Variants in LMOD3 observed in about 807,000 individuals in gnomAD.
The protein encoded by LMOD3 is leiomodin-3.
LMOD3 carries 31 observed loss-of-function variants against 41.8 expected under a neutral mutation model. The ratio of observed to expected loss-of-function variants is 0.74; its 90% CI spans 0.56 to 1.00. The LOEUF (loss-of-function observed/expected upper bound fraction) is 1.00, where lower values mean the gene tolerates loss of function less well. Among genes scored for constraint, LMOD3 ranks in the 50% least tolerant of loss-of-function variants. LMOD3 has a pLI of 0.00. For missense variants in LMOD3, 755 were observed against 679.5 expected (o/e 1.11, Z -1.23); for synonymous variants, 292 against 241.9 (o/e 1.21, Z -1.92).
At position 69,108,427 on chromosome 3, in the gene LMOD3, T is replaced by G. The variant is rs2092332684; in HGVS notation, c.*668A>C. 6.6e-6 allele frequency: 1 copy of G among 152,228 alleles called. No individual in the cohort carries two copies. Among genetic ancestry groups the G allele is most frequent in the Non-Finnish European group, 1.5e-5 (1 of 68,064 alleles). 9.4% of individuals were successfully genotyped at this position (152,228 alleles called of 1,614,324 possible). On this transcript the variant is annotated 3_prime_UTR_variant, in exon 3 of 3. Coordinates refer to ENST00000420581, the MANE Select transcript of LMOD3 (RefSeq NM_198271.5). Reference sequence around the variant, plus strand: ...TACTTTTCCTAGTGACACTTAGTTTTCACCATGTTCTGTGGCTTACGTGTT... The same window carrying G: ...TACTTTTCCTAGTGACACTTAGTTTGCACCATGTTCTGTGGCTTACGTGTT...
chr3:69,113,085 A>T (rs188739783), intron 2 of LMOD3, among the ~76,000 whole-genome samples: 38 of 152,274 alleles, frequency 2.5e-4, no homozygotes, highest in African/African-American at 9.1e-4. Flanking sequence ...GCTTTTATAG[A>T]TCATCCTGGT....
chr3:69,120,645 A>G (rs992674017), intron 1 of LMOD3, among the ~76,000 whole-genome samples: 2 of 150,998 alleles, frequency 1.3e-5, no homozygotes, highest in Non-Finnish European at 2.9e-5. Context: ...GAATATATAT[A>G]TATACATATA....
chr3:69,113,366 C>T (rs1559659135), intron 2 of LMOD3, among the ~76,000 whole-genome samples: 1 of 151,978 alleles, frequency 6.6e-6, no homozygotes, highest in Non-Finnish European at 1.5e-5. Flanking sequence ...GAAAATTTCC[C>T]ATTATGTGAT....
Position 69,119,896 on chromosome 3 carries a change from A to G in LMOD3, c.459T>C (p.Asp153=), listed in dbSNP as rs557184030. Residue 153 remains aspartate, a synonymous_variant, in exon 2 of 3, where the codon GAT becomes GAC. Transcript: ENST00000420581. ...CATCTTCTCCTTCGTCGTCATCATC[A>G]TCATCTTCTTCTTCTTCATCTTCTT... ...TDEEDEEEED[D]DDDDEGEDDG... The G allele has an allele frequency of 1.4e-6, 2 of 1,416,350 alleles. No homozygotes were observed. Among genetic ancestry groups the G allele is most frequent in the Admixed American group, 3.9e-5 (2 of 50,946 alleles). 87.7% of individuals were successfully genotyped at this position (1,416,350 alleles called of 1,614,324 possible). A position where few individuals can be genotyped will look rare whatever the true frequency, so the allele number is the denominator to read the frequency against.
In LMOD3 at chr3:69,118,735, G is replaced by A. The variant is rs753299503; in HGVS notation, c.1620C>T (p.Asn540=). 4.3e-6 allele frequency: 7 copies of A among 1,612,474 alleles called. No homozygotes were observed. Among genetic ancestry groups the A allele is most frequent in the African/African-American group, 1.3e-5 (1 of 74,532 alleles). ...VEITPRDQLL[N]DIRHSSVAYL... is the part of the protein sequence containing the mutation. ...AGGCGACACTGCTGTGACGAATGTCGTTTAGCAGCTGATCTCTGGGAGTGA... is the reference window on the plus strand; with the variant it reads ...AGGCGACACTGCTGTGACGAATGTCATTTAGCAGCTGATCTCTGGGAGTGA... The change falls in exon 2 of 3, where the codon AAC becomes AAT. Residue 540 remains asparagine, a synonymous_variant. Coordinates refer to ENST00000420581, the MANE Select transcript of LMOD3 (RefSeq NM_198271.5).
intron 2 of LMOD3, among the ~76,000 whole-genome samples, chr3:69,117,290 T>G (rs1230996334): frequency 6.6e-6 from 1 of 152,146 alleles, no homozygotes; most frequent in Non-Finnish European, 1.5e-5. Context: ...ATTCTAGGAG[T>G]TGGGAATAAG....
In LMOD3 at chr3:69,108,965, T is replaced by A; in HGVS notation, c.*130A>T. 1 of 787,830 alleles carries A rather than the reference T, an allele frequency of 1.3e-6. No individual in the cohort carries two copies. The highest frequency in any genetic ancestry group is 1.7e-5 in the South Asian group (1 of 60,038). 48.8% of individuals were successfully genotyped at this position (787,830 alleles called of 1,614,324 possible). A position where few individuals can be genotyped will look rare whatever the true frequency, so the allele number is the denominator to read the frequency against. On this transcript the variant is annotated 3_prime_UTR_variant, in exon 3 of 3. Coordinates refer to ENST00000420581, the MANE Select transcript of LMOD3 (RefSeq NM_198271.5). The stretch of plus-strand genomic sequence containing the variant: ...ACATTCTGCCTTTTACAAATACCCT[T>A]ATCAGATGGTAGCATTGTTTCCAGT...
At chr3:69,116,266 T>C (rs1457882471) in intron 2 of LMOD3, among the ~76,000 whole-genome samples, 1 of 152,210 alleles carries the variant, frequency 6.6e-6, no homozygotes, top group East Asian at 1.9e-4. Context: ...TGCCGAGTGT[T>C]TTCCAGGACC....
rs2092393253 is a variant in LMOD3, at chr3:69,119,188, C to G, written c.1167G>C (p.Leu389=). 1 of 1,613,872 alleles carries G rather than the reference C, an allele frequency of 6.2e-7. No individual in the cohort carries two copies. The highest frequency in any genetic ancestry group is 8.5e-7 in the Non-Finnish European group (1 of 1,179,850). The change falls in exon 2 of 3, where the codon CTG becomes CTC. Residue 389 remains leucine (L), a synonymous_variant. Coordinates refer to ENST00000420581, the MANE Select transcript of LMOD3 (RefSeq NM_198271.5). Reference sequence around the variant, plus strand: ...TTTGTTTATCCTGATTCCTGGTGAGCAGATTAGTGACCACCATTCTGGGAC... The same window carrying G: ...TTTGTTTATCCTGATTCCTGGTGAGGAGATTAGTGACCACCATTCTGGGAC... ...LPGPRMVVTN[L]LTRNQDKQRQ... is the part of the protein sequence containing the mutation.
rs1057519128 is a variant in LMOD3 at position 69,118,707 on chromosome 3, G to A, written c.1648C>T (p.Leu550Phe). 23 of 1,611,940 alleles carry A rather than the reference G, an allele frequency of 1.4e-5. No individual in the cohort carries two copies. Among genetic ancestry groups the A allele is most frequent in the Non-Finnish European group, 1.9e-5 (22 of 1,179,104 alleles). ...NDIRHSSVAY[L>F]KPVQLPKELA ...TCCCTCCTTCTACTTACAGGTTTAA[G>A]ATAGGCGACACTGCTGTGACGAATG... The change falls in exon 2 of 3, where the codon CTT (leucine) becomes TTT (phenylalanine). Residue 550 changes from leucine to phenylalanine, a missense_variant. Leu to Phe is a conservative substitution (Grantham distance 22). Coordinates refer to ENST00000420581, the MANE Select transcript of LMOD3 (RefSeq NM_198271.5).
intron 2 of LMOD3, among the ~76,000 whole-genome samples, chr3:69,112,203 T>TTG (rs145026767): frequency 0.014 from 2,196 of 151,772 alleles, 54 homozygotes; most frequent in African/African-American, 0.044. Context: ...TCTAGTGTGC[T>TTG]TGTGTGTGTG....
chr3:69,116,794 T>G (rs1009739863), intron 2 of LMOD3, among the ~76,000 whole-genome samples: 2 of 152,198 alleles, frequency 1.3e-5, no homozygotes, highest in Non-Finnish European at 2.9e-5. Context: ...AATAAGTGAA[T>G]GGATAGAATG....
chr3:69,117,109 G>A (rs370235469), intron 2 of LMOD3, among the ~76,000 whole-genome samples: 18 of 152,170 alleles, frequency 1.2e-4, no homozygotes, highest in South Asian at 1.0e-3. Context: ...AGAAGAGCAG[G>A]TGCAGAAAGT....
chr3:69,119,426 C>G lies in LMOD3; in HGVS notation c.929G>C (p.Arg310Thr). 1.2e-6 allele frequency: 2 copies of G among 1,614,002 alleles called. No individual in the cohort carries two copies. The highest frequency in any genetic ancestry group is 1.7e-6 in the Non-Finnish European group (2 of 1,179,886). The part of the protein sequence containing the change: ...FALANMLREN[R>T]SITTLNIESN... ...CTCGATGTTGAGAGTGGTGATGCTT[C>G]TATTTTCACGCAACATGTTAGCCAA... The change falls in exon 2 of 3, where the codon AGA becomes ACA. Residue 310 changes from arginine (R) to threonine (T), a missense_variant. Transcript: ENST00000420581.
intron 2 of LMOD3, among the ~76,000 whole-genome samples, chr3:69,117,078 A>G (rs904043800): frequency 1.3e-5 from 2 of 152,198 alleles, no homozygotes; most frequent in African/African-American, 4.8e-5. Context: ...ATTCATTCCT[A>G]GGGGAGTTCT....
In LMOD3 at chr3:69,119,662, A is replaced by G; in HGVS notation, c.693T>C (p.Ser231=). The G allele has an allele frequency of 6.2e-7, 1 of 1,613,884 alleles. No homozygotes were observed. Among genetic ancestry groups the G allele is most frequent in the Non-Finnish European group, 8.5e-7 (1 of 1,179,874 alleles). The part of the protein sequence containing the change: ...LALDTSFLKV[S]TRPSGNQTDL... ...CTGTCTGGTTTCCTGAAGGCCTTGTACTTACCTTCAAAAAGCTGGTGTCTA... is the reference window on the plus strand; with the variant it reads ...CTGTCTGGTTTCCTGAAGGCCTTGTGCTTACCTTCAAAAAGCTGGTGTCTA... Residue 231 remains serine, a synonymous_variant, in exon 2 of 3, where the codon AGT becomes AGC. Coordinates refer to ENST00000420581, the MANE Select transcript of LMOD3 (RefSeq NM_198271.5).
chr3:69,108,799 T>A lies in LMOD3; in HGVS notation c.*296A>T. On this transcript the variant is annotated 3_prime_UTR_variant, in exon 3 of 3. Coordinates refer to ENST00000420581, the MANE Select transcript of LMOD3 (RefSeq NM_198271.5). ...TAAAGCAAATGTTTAAAAAATTTTC[T>A]TTAACTTCTGCTTCGGGAAATATGA... 3.2e-6 allele frequency: 1 copy of A among 311,416 alleles called. No homozygotes were observed. The highest frequency in any genetic ancestry group is 5.8e-6 in the Non-Finnish European group (1 of 171,882). The allele number at this position is 311,416 out of a possible 1,614,324, so 19.3% of individuals were successfully genotyped here.
At chr3:69,115,228 T>C (rs917924889) in intron 2 of LMOD3, among the ~76,000 whole-genome samples, 2 of 151,972 alleles carry the variant, frequency 1.3e-5, no homozygotes, top group Admixed American at 1.3e-4. Context: ...ATGCCTGTAA[T>C]CCCGCCACTT....
chr3:69,121,397 A>G (rs2092406838), intron 1 of LMOD3, among the ~76,000 whole-genome samples: 1 of 152,038 alleles, frequency 6.6e-6, no homozygotes, highest in African/African-American at 2.4e-5. Flanking sequence ...CCTAGGAGGC[A>G]TCTCTGTCCT....
Sources: gnomAD v4.1 joint callset for allele counts (sites outside exome capture counted in the v4.1 genomes callset) on GRCh38, gnomAD v4.1.1 for gene constraint, MANE v1.5 for transcripts, NCBI Gene and HGNC (gene_info 2026-07-23, HGNC 2026-07-21) for gene names.